PUF60: variants seen among roughly 807,000 people sequenced by gnomAD.
PUF60 encodes the protein poly(U)-binding-splicing factor PUF60.
In PUF60, 10 loss-of-function variants were observed where a neutral mutation model predicts 61.8. That is an observed-to-expected ratio of 0.16 (90% CI 0.10 to 0.27). The LOEUF is 0.27. PUF60 is among the 10% of genes least tolerant of loss of function. The pLI is 1.00. For synonymous variants in PUF60, 353 were observed against 300.9 expected (o/e 1.17, Z -1.79); for missense variants, 371 against 754.0 (o/e 0.49, Z 5.95).
Position 143,818,577 on chromosome 8 carries a change from G to A in PUF60, c.349-43C>T. The stretch of plus-strand genomic sequence containing the variant: ...GGAGAGAACCGCTGGCTCGTCAGGG[G>A]CGGCAGGAAGCTGGGCAGCCCACTC... On this transcript the variant is annotated intron_variant, in intron 5 of 11. Transcript: ENST00000526683. This position sits in a 1 kb window ranked among gnomAD's most constrained non-coding sequence, Gnocchi z 7.9. The A allele has an allele frequency of 6.6e-7, 1 of 1,519,714 alleles. No homozygotes were observed. The highest frequency in any genetic ancestry group is 8.8e-7 in the Non-Finnish European group (1 of 1,130,632). 94.1% of individuals were successfully genotyped at this position (1,519,714 alleles called of 1,614,324 possible). A position where few individuals can be genotyped will look rare whatever the true frequency, so the allele number is the denominator to read the frequency against.
chr8:143,829,094 G>T (rs1224561861), intron 1 of PUF60, 186 bp downstream of exon 1: 1 of 1,112,148 alleles, frequency 9.0e-7, no homozygotes, highest in African/African-American at 1.7e-5. Flanking sequence ...GGAAGCTGAG[G>T]CCGCGAGCCG....
At chr8:143,827,440 C>A (rs1430808908) in intron 1 of PUF60, 2 of 456,168 alleles carry the variant, frequency 4.4e-6, no homozygotes, top group African/African-American at 4.0e-5. Context: ...AGAAGGCATG[C>A]CCATGGGAGG....
At chr8:143,816,869 C>T (rs1816364711) in intron 11 of PUF60, 41 bp downstream of exon 11, 1 of 1,587,776 alleles carries the variant, frequency 6.3e-7, no homozygotes. Flanking sequence ...GGCCCCGCCC[C>T]CCTACCCTCT....
Position 143,817,866 on chromosome 8 carries a change from G to T in PUF60, c.813C>A (p.Phe271Leu). Reference sequence around the variant, plus strand: ...GCCTCAGCCACCCCAGCTCACCAATGAAGCCGTAGCCCTTGTGCTTGCCAG... The same window carrying T: ...GCCTCAGCCACCCCAGCTCACCAATTAAGCCGTAGCCCTTGTGCTTGCCAG... ...PTTGKHKGYG[F>L]IEYEKAQSSQ... is the part of the protein sequence containing the mutation. The change falls in exon 8 of 12, where the codon TTC (phenylalanine) becomes TTA (leucine). Residue 271 changes from phenylalanine (F) to leucine (L), a missense_variant. Phe to Leu is a conservative substitution (Grantham distance 22, BLOSUM62 0). Around this residue, in one of 13 missense-constraint regions of PUF60, gnomAD observed 24 missense variants for 35.0 expected, o/e 0.68. Transcript: ENST00000526683. This position sits in a 1 kb window ranked among gnomAD's most constrained non-coding sequence, Gnocchi z 7.4. 1 of 1,611,446 alleles carries T rather than the reference G, an allele frequency of 6.2e-7. No homozygotes were observed. The highest frequency in any genetic ancestry group is 8.5e-7 in the Non-Finnish European group (1 of 1,178,846).
At chr8:143,829,024 G>T (rs1554649033) in intron 1 of PUF60, 7 of 999,670 alleles carry the variant, frequency 7.0e-6, no homozygotes, top group Non-Finnish European at 8.3e-6. Flanking sequence ...TCGCCCGCAA[G>T]GGCCACACGC....
chr8:143,822,860 C>G, intron 2 of PUF60: 1 of 322,004 alleles, frequency 3.1e-6, no homozygotes, highest in Middle Eastern at 1.2e-3. Flanking sequence ...GATCACTGGC[C>G]CACCAACCGG....
chr8:143,825,379 G>A (rs761418162), intron 1 of PUF60, among the ~76,000 whole-genome samples: 8 of 152,308 alleles, frequency 5.3e-5, no homozygotes, highest in Middle Eastern at 3.4e-3. Context: ...AACCCAGCCC[G>A]TGCCTGGAGC....
intron 1 of PUF60, among the ~76,000 whole-genome samples, chr8:143,828,105 T>A (rs1817844329): frequency 1.3e-5 from 2 of 152,236 alleles, no homozygotes; most frequent in African/African-American, 4.8e-5. Context: ...AGAGTGGAGT[T>A]AGCCAGTCCT....
At chr8:143,820,607 C>A (rs551889624) in intron 5 of PUF60, 59 bp downstream of exon 5, 3 of 1,546,680 alleles carry the variant, frequency 1.9e-6, no homozygotes, top group East Asian at 2.2e-5. Context: ...GGCTGCACTG[C>A]CCCCCTCTAG....
chr8:143,820,851 C>T (rs925892707), intron 4 of PUF60, 135 bp from the exon 5 acceptor site: 18 of 840,418 alleles, frequency 2.1e-5, no homozygotes, highest in African/African-American at 3.3e-5. Flanking sequence ...CCCACACTGC[C>T]GGCCGCCAGC....
At position 143,818,367 on chromosome 8, in the gene PUF60, G is replaced by C; in HGVS notation, c.510+6C>G. 3.1e-6 allele frequency: 5 copies of C among 1,612,390 alleles called. No homozygotes were observed. The South Asian group carries it at 5.5e-5, about 18-fold the overall frequency. ...GAAGTGGCCGGGGCGGACCAAGCCTGCTGACCTTGTGCTTCATGGTGACGG... is the reference window on the plus strand; with the variant it reads ...GAAGTGGCCGGGGCGGACCAAGCCTCCTGACCTTGTGCTTCATGGTGACGG... On this transcript the variant is annotated splice_donor_region_variant and intron_variant, in intron 6 of 11. Coordinates refer to ENST00000526683, the MANE Select transcript of PUF60 (RefSeq NM_078480.3). This position sits in a 1 kb window ranked among gnomAD's most constrained non-coding sequence, Gnocchi z 7.9.
chr8:143,822,002 C>T, intron 2 of PUF60, 89 bp from the exon 3 acceptor site: 2 of 959,416 alleles, frequency 2.1e-6, no homozygotes, highest in Non-Finnish European at 1.5e-6. Flanking sequence ...ACAGACTGTC[C>T]CCTGCCTGGC....
Position 143,818,125 on chromosome 8 carries a change from A to G in PUF60, c.604-50T>C, listed in dbSNP as rs1235718272. On this transcript the variant is annotated intron_variant, in intron 7 of 11. Coordinates refer to ENST00000526683, the MANE Select transcript of PUF60 (RefSeq NM_078480.3). The surrounding 1 kb of genome is among the most constrained non-coding windows in gnomAD (Gnocchi z 7.9). ...AAGACCGGTCAACCCAGGCCCGGCC[A>G]CAAAAGGCTTCCGTGGAGGGGCAGC... is the stretch of plus-strand genomic sequence containing the variant. 1.2e-6 allele frequency: 2 copies of G among 1,603,696 alleles called. No homozygotes were observed. The highest frequency in any genetic ancestry group is 1.1e-5 in the South Asian group (1 of 89,914).
At chr8:143,827,674 C>A (rs937465236) in intron 1 of PUF60, 1 of 325,176 alleles carries the variant, frequency 3.1e-6, no homozygotes, top group African/African-American at 2.2e-5. Flanking sequence ...ACAGCTCACT[C>A]CTGGAGCCGG....
rs532580105 is a variant in PUF60, at chr8:143,816,446, G to A, written c.*74C>T. 1.5e-5 allele frequency: 23 copies of A among 1,504,602 alleles called. No individual in the cohort carries two copies. Among genetic ancestry groups the A allele is most frequent in the Middle Eastern group, 1.8e-4 (1 of 5,642 alleles). The allele number at this position is 1,504,602 out of a possible 1,614,324, so 93.2% of individuals were successfully genotyped here. A position where few individuals can be genotyped will look rare whatever the true frequency, so the allele number is the denominator to read the frequency against. ...GGCTGGGCAGAGCGCGCCTGGCCCCGGGGACACCACTGTATCACTATAAAA... is the reference window on the plus strand; with the variant it reads ...GGCTGGGCAGAGCGCGCCTGGCCCCAGGGACACCACTGTATCACTATAAAA... On this transcript the variant is annotated 3_prime_UTR_variant, in exon 12 of 12. Transcript: ENST00000526683.
chr8:143,824,693 A>G (rs1321994495), intron 1 of PUF60: 1 of 444,998 alleles, frequency 2.2e-6, no homozygotes, highest in African/African-American at 2.0e-5. Flanking sequence ...GGCAAAAGAA[A>G]GCCATCCTCT....
At chr8:143,821,315 G>T in intron 4 of PUF60, 1 of 573,066 alleles carries the variant, frequency 1.7e-6, no homozygotes, top group Non-Finnish European at 3.1e-6. Flanking sequence ...GAGACCAGAG[G>T]CCACAGTGTG....
Position 143,824,418 on chromosome 8 carries a change from T to C in PUF60, c.25-19A>G. The stretch of plus-strand genomic sequence containing the variant: ...TGACCTGCTGCAGGCAGGAAGGAGA[T>C]GTTGTAACGACAGGCACACCACCCC... On this transcript the variant is annotated intron_variant, in intron 1 of 11. Coordinates refer to ENST00000526683, the MANE Select transcript of PUF60 (RefSeq NM_078480.3). 3 of 1,609,272 alleles carry C rather than the reference T, an allele frequency of 1.9e-6. No homozygotes were observed. Among genetic ancestry groups the C allele is most frequent in the Non-Finnish European group, 2.5e-6 (3 of 1,179,286 alleles).
chr8:143,822,053 C>A, intron 2 of PUF60, 140 bp from the exon 3 acceptor site: 1 of 654,636 alleles, frequency 1.5e-6, no homozygotes, highest in Middle Eastern at 2.6e-4. Context: ...TGTCCCCAGC[C>A]CAGGCCACTG....
Sources: gnomAD v4.1 joint callset for allele counts (sites outside exome capture counted in the v4.1 genomes callset) on GRCh38, gnomAD v4.1.1 for gene constraint, gnomAD v4.1.1 regional missense constraint, Gnocchi (gnomAD v3.1) non-coding constraint, MANE v1.5 for transcripts, NCBI Gene and HGNC (gene_info 2026-07-23, HGNC 2026-07-21) for gene names.